The following TENM4 variants were observed in gnomAD, a reference collection of about 807,000 sequenced individuals.
The protein encoded by TENM4 is teneurin transmembrane protein 4, also known as teneurin-4.
Under a neutral mutation model 243.3 loss-of-function variants are expected in TENM4, and 82 were observed. That is an observed-to-expected ratio of 0.34 (90% confidence interval 0.28 to 0.40). The LOEUF is 0.40. Ranked by LOEUF, TENM4 falls within the 10% of genes least tolerant of loss-of-function variation. The pLI, the probability that TENM4 is intolerant of heterozygous loss-of-function variation, is 1.00. For synonymous variants in TENM4, 1,412 were observed against 1,456.3 expected (o/e 0.97, Z 0.69); for missense variants, 3,138 against 3,673.3 (o/e 0.85, Z 3.77).
intron 4 of TENM4, among the ~76,000 whole-genome samples, chr11:79,116,117 A>G (rs1162569415): frequency 6.6e-6 from 1 of 152,238 alleles, no homozygotes; most frequent in East Asian, 1.9e-4. Flanking sequence ...TGACACTGAG[A>G]AACAAAATTG....
At chr11:78,783,045 G>A (rs988675096) in intron 16 of TENM4, among the ~76,000 whole-genome samples, 2 of 152,292 alleles carry the variant, frequency 1.3e-5, no homozygotes, top group South Asian at 2.1e-4. Context: ...ATCAGAAGCT[G>A]GCATTTTCTA....
chr11:79,385,777 C>T (rs1858099757), intron 1 of TENM4, among the ~76,000 whole-genome samples: 1 of 152,172 alleles, frequency 6.6e-6, no homozygotes, highest in African/African-American at 2.4e-5. Context: ...TCCTGGTTCA[C>T]AGTTTCAGCC....
intron 6 of TENM4, among the ~76,000 whole-genome samples, chr11:78,975,966 CGG>C (rs1173232153): frequency 1.3e-5 from 2 of 152,128 alleles, no homozygotes; most frequent in Non-Finnish European, 2.9e-5. Flanking sequence ...CAAACAGAGG[CGG>C]CTTAAGGTCA....
At chr11:78,825,569 A>G (rs992602821) in intron 12 of TENM4, among the ~76,000 whole-genome samples, 19 of 152,190 alleles carry the variant, frequency 1.2e-4, no homozygotes, top group African/African-American at 4.6e-4. Context: ...ACAAGTCTGT[A>G]AAAAACAAGC....
At chr11:78,745,329 C>A (rs58513073) in intron 19 of TENM4, among the ~76,000 whole-genome samples, 1 of 150,092 alleles carries the variant, frequency 6.7e-6, no homozygotes, top group Non-Finnish European at 1.5e-5. Context: ...TGGGTTCAAG[C>A]GATTCTTGTG....
At chr11:79,153,375 T>C (rs553411678) in intron 3 of TENM4, among the ~76,000 whole-genome samples, 2 of 152,174 alleles carry the variant, frequency 1.3e-5, no homozygotes, top group Non-Finnish European at 2.9e-5. Flanking sequence ...CTGTAGAACA[T>C]TGCAGCAAGG....
intron 6 of TENM4, among the ~76,000 whole-genome samples, chr11:78,970,295 G>C (rs1857514235): frequency 6.6e-6 from 1 of 152,192 alleles, no homozygotes; most frequent in Non-Finnish European, 1.5e-5. Context: ...GCTCAGCAAA[G>C]AGAGGCAGAG....
At position 78,709,875 on chromosome 11, in the gene TENM4, T is replaced by C. The variant is rs376816794; in HGVS notation, c.4055-1360A>G. Among the ~76,000 whole-genome samples, 6 of 152,180 alleles carry C rather than the reference T, an allele frequency of 3.9e-5. No individual in the cohort carries two copies. The East Asian group carries it at 7.7e-4, about 20-fold the overall frequency. On this transcript the variant is annotated intron_variant, in intron 26 of 33. Coordinates refer to ENST00000278550, the MANE Select transcript of TENM4 (RefSeq NM_001098816.3). ...GTGCTTTAATAGTGTACATGGGTGA[T>C]AGTAATTTCCATCCCAGGTTCAGAA...
intron 6 of TENM4, among the ~76,000 whole-genome samples, chr11:78,981,975 C>T (rs933745744): frequency 1.3e-5 from 2 of 152,134 alleles, no homozygotes; most frequent in East Asian, 3.9e-4. Context: ...GTGTCTGTCC[C>T]CAGGTCAGGA....
intron 1 of TENM4, among the ~76,000 whole-genome samples, chr11:79,347,484 G>C (rs926318839): frequency 6.6e-6 from 1 of 152,174 alleles, no homozygotes; most frequent in African/African-American, 2.4e-5. Context: ...TTAGGGCCAG[G>C]GTTCTTTCCC....
intron 32 of TENM4, 23 bp downstream of exon 32, chr11:78,668,914 C>T (rs759383788): frequency 1.9e-6 from 3 of 1,599,230 alleles, no homozygotes; most frequent in Non-Finnish European, 1.7e-6. Context: ...GGGTCCTGCC[C>T]CTGAGTGAGC....
chr11:78,713,965 C>T (rs1325675773), intron 25 of TENM4, among the ~76,000 whole-genome samples: 1 of 152,108 alleles, frequency 6.6e-6, no homozygotes, highest in East Asian at 1.9e-4. Context: ...GCAGCCCCTT[C>T]CAAGTCTCCG....
chr11:79,084,683 T>A (rs945561738), intron 4 of TENM4, among the ~76,000 whole-genome samples: 8 of 150,318 alleles, frequency 5.3e-5, no homozygotes, highest in Admixed American at 5.3e-4. Context: ...GGAGAACAGA[T>A]TGGTGGTAGT....
intron 1 of TENM4, among the ~76,000 whole-genome samples, chr11:79,417,773 T>G (rs1412165504): frequency 6.6e-6 from 1 of 152,174 alleles, no homozygotes; most frequent in African/African-American, 2.4e-5. Flanking sequence ...CTCATCCCAC[T>G]CCATATCCCC....
chr11:79,162,780 C>T (rs1446734873), intron 3 of TENM4, among the ~76,000 whole-genome samples: 2 of 152,140 alleles, frequency 1.3e-5, no homozygotes, highest in Admixed American at 6.5e-5. Context: ...GGAAGGTCTC[C>T]CTCCTGGCTC....
At chr11:79,278,760 T>A (rs547545873) in intron 2 of TENM4, among the ~76,000 whole-genome samples, 62 of 152,296 alleles carry the variant, frequency 4.1e-4, no homozygotes, top group African/African-American at 1.4e-3. Flanking sequence ...TTCTCAGAGC[T>A]TGCGGCTCCC....
chr11:78,975,805 T>C, intron 6 of TENM4, among the ~76,000 whole-genome samples: 1 of 112,584 alleles, frequency 8.9e-6, no homozygotes, highest in African/African-American at 3.4e-5. Context: ...AACCAGCAAC[T>C]GTGGGAGGGT....
chr11:79,345,393 G>C (rs766109749), intron 1 of TENM4, among the ~76,000 whole-genome samples: 4 of 152,038 alleles, frequency 2.6e-5, no homozygotes, highest in Admixed American at 6.6e-5. Context: ...CATGCTACTA[G>C]TGTCATTAAA....
At chr11:79,069,653 C>T in intron 5 of TENM4, 69 bp downstream of exon 5, 1 of 1,487,152 alleles carries the variant, frequency 6.7e-7, no homozygotes. Flanking sequence ...GCCACGCCCA[C>T]CCGAGCCCAT....
Sources: allele counts gnomAD v4.1 joint callset (sites outside exome capture counted in the v4.1 genomes callset), GRCh38; gene constraint gnomAD v4.1.1; transcripts MANE v1.5; gene names NCBI Gene and HGNC (gene_info 2026-07-23, HGNC 2026-07-21).